The following CCDC91 variants were observed in gnomAD, a reference collection of about 807,000 sequenced individuals.
The protein encoded by CCDC91 is coiled-coil domain containing 91.
CCDC91 carries 48 observed loss-of-function variants against 63.2 expected under a neutral mutation model. That is an observed-to-expected ratio of 0.76 (90% CI 0.60 to 0.97). CCDC91 has a LOEUF of 0.97. Ranked by LOEUF, CCDC91 falls within the 50% of genes least tolerant of loss-of-function variation. The probability of loss-of-function intolerance (pLI) is 0.00; values close to 1 mark genes in which losing one functional copy is unlikely to be tolerated. For missense variants in CCDC91, 500 were observed against 494.6 expected (o/e 1.01, Z -0.10); for synonymous variants, 167 against 165.8 (o/e 1.01, Z -0.06).
intron 8 of CCDC91, among the ~76,000 whole-genome samples, chr12:28,429,220 G>T (rs1364672571): frequency 6.6e-6 from 1 of 152,084 alleles, no homozygotes; most frequent in Non-Finnish European, 1.5e-5. Flanking sequence ...CAATTTTTAG[G>T]TGACCACTGA....
intron 12 of CCDC91, 146 bp from the exon 13 acceptor site, chr12:28,548,917 G>T: frequency 1.8e-6 from 1 of 553,808 alleles, no homozygotes; most frequent in South Asian, 2.7e-5. Context: ...TGACTTTACT[G>T]TCATTCAGTT....
At chr12:28,284,033 A>G (rs968460429) in intron 3 of CCDC91, among the ~76,000 whole-genome samples, 1 of 152,166 alleles carries the variant, frequency 6.6e-6, no homozygotes. Flanking sequence ...CTCTTGTAGC[A>G]TATTTAACAG....
At chr12:28,408,521 T>A (rs542374357) in intron 8 of CCDC91, among the ~76,000 whole-genome samples, 1 of 152,324 alleles carries the variant, frequency 6.6e-6, no homozygotes, top group South Asian at 2.1e-4. Flanking sequence ...TGGTTTTGAT[T>A]TGCATTTCTC....
At chr12:28,450,692 A>T (rs1220264131) in intron 10 of CCDC91, among the ~76,000 whole-genome samples, 1 of 151,794 alleles carries the variant, frequency 6.6e-6, no homozygotes, top group African/African-American at 2.4e-5. Context: ...TCCACCTGCT[A>T]TTTGTTGCAT....
intron 1 of CCDC91, among the ~76,000 whole-genome samples, chr12:28,230,563 G>A (rs1303106693): frequency 6.6e-6 from 1 of 152,064 alleles, no homozygotes; most frequent in Admixed American, 6.6e-5. Flanking sequence ...ACAAATAATT[G>A]AATATGAGAT....
intron 1 of CCDC91, among the ~76,000 whole-genome samples, chr12:28,211,957 C>G (rs766476896): frequency 6.6e-6 from 1 of 152,142 alleles, no homozygotes; most frequent in East Asian, 1.9e-4. Flanking sequence ...TGGATCAAAT[C>G]CATTCCTGGA....
At chr12:28,487,098 G>A (rs1459788778) in intron 12 of CCDC91, among the ~76,000 whole-genome samples, 2 of 151,850 alleles carry the variant, frequency 1.3e-5, no homozygotes, top group African/African-American at 4.8e-5. Flanking sequence ...TGAATTTAAA[G>A]TGTGAATTCT....
At chr12:28,285,180 T>C (rs1358718754) in intron 3 of CCDC91, among the ~76,000 whole-genome samples, 1 of 152,190 alleles carries the variant, frequency 6.6e-6, no homozygotes. Context: ...ATATGCTGTC[T>C]CGTTTGCAGA....
At chr12:28,338,256 A>T (rs1028028132) in intron 6 of CCDC91, among the ~76,000 whole-genome samples, 2 of 51,056 alleles carry the variant, frequency 3.9e-5, no homozygotes, top group South Asian at 1.0e-3. Flanking sequence ...GCCCTTATGG[A>T]TCTTTTTTTT....
At chr12:28,291,110 C>G (rs747927963) in intron 3 of CCDC91, among the ~76,000 whole-genome samples, 1 of 152,154 alleles carries the variant, frequency 6.6e-6, no homozygotes, top group Admixed American at 6.5e-5. Flanking sequence ...AATTAGGAAG[C>G]ATTACAATCA....
chr12:28,495,970 T>TA (rs913382896), intron 12 of CCDC91, among the ~76,000 whole-genome samples: 55 of 151,730 alleles, frequency 3.6e-4, no homozygotes, highest in African/African-American at 1.3e-3. Context: ...CATCGACCCT[T>TA]ACAGAACCAG....
chr12:28,298,029 A>G (rs1949659493), intron 3 of CCDC91, among the ~76,000 whole-genome samples: 1 of 151,832 alleles, frequency 6.6e-6, no homozygotes, highest in South Asian at 2.1e-4. Context: ...TGTGAATTGT[A>G]GCATAGCAAA....
chr12:28,366,148 A>G (rs1944257811), intron 7 of CCDC91, among the ~76,000 whole-genome samples: 1 of 151,588 alleles, frequency 6.6e-6, no homozygotes, highest in Non-Finnish European at 1.5e-5. Flanking sequence ...TACTTAGTAC[A>G]GATTAAAAAA....
chr12:28,209,347 A>G (rs1450151560), intron 1 of CCDC91, among the ~76,000 whole-genome samples: 1 of 152,182 alleles, frequency 6.6e-6, no homozygotes, highest in East Asian at 1.9e-4. Context: ...CCCATTTTCA[A>G]TTTATGGAAA....
chr12:28,315,196 G>A (rs755212304), intron 6 of CCDC91, among the ~76,000 whole-genome samples: 20 of 150,100 alleles, frequency 1.3e-4, no homozygotes, highest in Non-Finnish European at 2.7e-4. Flanking sequence ...AAGGAGTTTC[G>A]CTCTTGTTGC....
chr12:28,473,107 CAT>C (rs1439009811), intron 11 of CCDC91, among the ~76,000 whole-genome samples: 1 of 152,112 alleles, frequency 6.6e-6, no homozygotes, highest in Non-Finnish European at 1.5e-5. Context: ...TATTAAGAAA[CAT>C]TATCTAGCTT....
intron 3 of CCDC91, among the ~76,000 whole-genome samples, chr12:28,264,387 A>G (rs1003660724): frequency 5.6e-5 from 6 of 107,280 alleles, no homozygotes; most frequent in Non-Finnish European, 1.6e-4. Context: ...TTGGCTAAGA[A>G]ATCTCTTTTA....
chr12:28,259,659 A>G (rs1946695736), intron 3 of CCDC91, among the ~76,000 whole-genome samples: 2 of 152,078 alleles, frequency 1.3e-5, no homozygotes, highest in South Asian at 4.1e-4. Flanking sequence ...TAAAGATGAT[A>G]TCAGGAACAT....
At position 28,411,237 on chromosome 12, in the gene CCDC91, GA is replaced by G. The variant is rs201232869; in HGVS notation, c.762+19836del. Among the ~76,000 whole-genome samples, 130 of 146,674 alleles carry G rather than the reference GA, an allele frequency of 8.9e-4. No homozygotes were observed. In the East Asian group the frequency reaches 0.013, roughly 15 times the overall value. ...ACAGATTTTTTAAGGTTTTCTTTTT[GA>G]AAAAAAAAAGTATGTTTTAAAATTT... On this transcript the variant is annotated intron_variant, in intron 8 of 12. Coordinates refer to ENST00000536442, the MANE Select transcript of CCDC91 (RefSeq NM_018318.5).
Sources: allele counts gnomAD v4.1 joint callset (sites outside exome capture counted in the v4.1 genomes callset), GRCh38; gene constraint gnomAD v4.1.1; transcripts MANE v1.5; gene names NCBI Gene and HGNC (gene_info 2026-07-23, HGNC 2026-07-21).